Variants in RAB44 observed in about 807,000 individuals in gnomAD.
RAB44 encodes RAB44, member RAS oncogene family.
RAB44 carries 67 observed loss-of-function variants against 93.3 expected under a neutral mutation model. That is an observed-to-expected ratio of 0.72 (90% CI 0.59 to 0.88). RAB44 has a LOEUF of 0.88. Ranked by LOEUF, RAB44 falls within the 40% of genes least tolerant of loss-of-function variation. The pLI is 0.00. For missense variants in RAB44, 1,064 were observed against 1,261.7 expected (o/e 0.84, Z 2.37); for synonymous variants, 427 against 520.3 (o/e 0.82, Z 2.44).
intron 11 of RAB44, among the ~76,000 whole-genome samples, chr6:36,728,296 G>A (rs892886658): frequency 6.6e-6 from 1 of 152,216 alleles, no homozygotes. Flanking sequence ...TTCTCTCATA[G>A]GGGAGTTGTG....
At chr6:36,701,608 T>C (rs1359629328) in intron 1 of RAB44, among the ~76,000 whole-genome samples, 2 of 152,212 alleles carry the variant, frequency 1.3e-5, no homozygotes, top group African/African-American at 4.8e-5. Context: ...GGAAGCCCTC[T>C]CTGACACCCT....
intron 1 of RAB44, among the ~76,000 whole-genome samples, chr6:36,701,535 A>C (rs146883693): frequency 6.6e-5 from 10 of 152,294 alleles, no homozygotes; most frequent in Admixed American, 2.6e-4. Flanking sequence ...CTATGAGGGC[A>C]TCAGGGTTAA....
chr6:36,712,458 G>A lies in RAB44; in HGVS notation c.208-1370G>A, dbSNP rs144504935. ...CGGCTCACTGCAACCTCCTTCTCCC[G>A]GTTTCAAGTGATTCCCCTGCTTCAG... On this transcript the variant is annotated intron_variant, in intron 2 of 13. Coordinates refer to ENST00000612677, the MANE Select transcript of RAB44 (RefSeq NM_001257357.2). 2.1e-3 allele frequency among the ~76,000 whole-genome samples: 321 copies of A among 152,224 alleles called. 3 individuals carry two copies. The highest frequency in any genetic ancestry group is 7.4e-3 in the African/African-American group (309 of 41,524).
intron 2 of RAB44, among the ~76,000 whole-genome samples, chr6:36,709,776 C>T (rs1046822558): frequency 5.3e-5 from 8 of 151,874 alleles, no homozygotes; most frequent in Non-Finnish European, 7.4e-5. Context: ...AAGCTGGTCT[C>T]GAACTCCTGA....
rs1763270354 is a variant in RAB44, at chr6:36,727,646, C to T, written c.2751C>T (p.Ser917=). The part of the protein sequence containing the change: ...DGVVLMYDIT[S]QESFAHVRYW... The stretch of plus-strand genomic sequence containing the variant: ...TGGTGCTCATGTACGACATCACCTC[C>T]CAGGAGAGCTTTGCCCACGTGCGCT... The change falls in exon 11 of 14, where the codon TCC becomes TCT. Residue 917 remains serine (S), a synonymous_variant. Transcript: ENST00000612677. 2.6e-6 allele frequency: 4 copies of T among 1,550,460 alleles called. No homozygotes were observed. Among genetic ancestry groups the T allele is most frequent in the Non-Finnish European group, 3.5e-6 (4 of 1,146,978 alleles).
At position 36,731,590 on chromosome 6, in the gene RAB44, C is replaced by T. The variant is rs963090270; in HGVS notation, c.2976-413C>T. On this transcript the variant is annotated intron_variant, in intron 13 of 13. Coordinates refer to ENST00000612677, the MANE Select transcript of RAB44 (RefSeq NM_001257357.2). The surrounding 1 kb of genome is among the most constrained non-coding windows in gnomAD (Gnocchi z 4.0). ...GCCATGGCCCTCTGCTTGGGATGCACCTCCCCCACCCTTTCTGCTGGCATA... is the reference window on the plus strand; with the variant it reads ...GCCATGGCCCTCTGCTTGGGATGCATCTCCCCCACCCTTTCTGCTGGCATA... Among the ~76,000 whole-genome samples, 1 of 152,006 alleles carries T rather than the reference C, an allele frequency of 6.6e-6. No homozygotes were observed. The highest frequency in any genetic ancestry group is 1.5e-5 in the Non-Finnish European group (1 of 68,008).
In RAB44 at chr6:36,732,839, C is replaced by T. The variant is rs1763391461; in HGVS notation, c.*746C>T. ...AGGGGTCACATTTGGGGGTCCCGCCCCCTGCTCCAATGCCATGGTGTCCCC... is the reference window on the plus strand; with the variant it reads ...AGGGGTCACATTTGGGGGTCCCGCCTCCTGCTCCAATGCCATGGTGTCCCC... On this transcript the variant is annotated 3_prime_UTR_variant, in exon 14 of 14. Transcript: ENST00000612677. 1.3e-5 allele frequency: 2 copies of T among 152,254 alleles called. No individual in the cohort carries two copies. The highest frequency in any genetic ancestry group is 4.1e-4 in the South Asian group (2 of 4,832). The allele number at this position is 152,254 out of a possible 1,614,324, so 9.4% of individuals were successfully genotyped here.
chr6:36,702,657 G>A lies in RAB44; in HGVS notation c.-12-1567G>A, dbSNP rs114577229. 4.9e-3 allele frequency among the ~76,000 whole-genome samples: 748 copies of A among 152,298 alleles called. 4 individuals carry two copies. The highest frequency in any genetic ancestry group is 0.017 in the African/African-American group (718 of 41,550). On this transcript the variant is annotated intron_variant, in intron 1 of 13. Transcript: ENST00000612677. ...ATCCTACATGCCTCCTGCAGAACCTGCACAAGCCCCACCACTTGCAGGAAG... is the reference window on the plus strand; with the variant it reads ...ATCCTACATGCCTCCTGCAGAACCTACACAAGCCCCACCACTTGCAGGAAG...
rs1464905068 is a variant in RAB44, at chr6:36,732,316, A to G, written c.*223A>G. 2 of 344,972 alleles carry G rather than the reference A, an allele frequency of 5.8e-6. No individual in the cohort carries two copies. Among genetic ancestry groups the G allele is most frequent in the Non-Finnish European group, 1.0e-5 (2 of 191,802 alleles). 21.4% of individuals were successfully genotyped at this position (344,972 alleles called of 1,614,324 possible). The stretch of plus-strand genomic sequence containing the variant: ...TGAACAAGGCTTGAGGGGCAGGGGT[A>G]TGGCAAAACTCTCCAAACAAAGAAA... On this transcript the variant is annotated 3_prime_UTR_variant, in exon 14 of 14. Transcript: ENST00000612677.
intron 2 of RAB44, among the ~76,000 whole-genome samples, chr6:36,707,804 A>G (rs774785191): frequency 3.3e-5 from 5 of 152,264 alleles, no homozygotes; most frequent in African/African-American, 9.6e-5. Flanking sequence ...AAACATGTCC[A>G]GTAATGACAC....
intron 9 of RAB44, among the ~76,000 whole-genome samples, chr6:36,723,610 C>T (rs1048995608): frequency 5.3e-5 from 8 of 151,766 alleles, no homozygotes; most frequent in African/African-American, 1.7e-4. Context: ...CTGAGGCGGG[C>T]GGATCACAAG....
intron 2 of RAB44, among the ~76,000 whole-genome samples, chr6:36,706,685 A>C (rs985048404): frequency 3.3e-5 from 5 of 152,240 alleles, no homozygotes; most frequent in Non-Finnish European, 7.3e-5. Flanking sequence ...GAACCTGTGC[A>C]AATAATTATA....
intron 2 of RAB44, among the ~76,000 whole-genome samples, chr6:36,713,483 A>T (rs566767707): frequency 1.3e-5 from 2 of 152,284 alleles, no homozygotes; most frequent in East Asian, 3.9e-4. Context: ...GGCTTGAGCC[A>T]CCGCGCCTGG....
intron 1 of RAB44, among the ~76,000 whole-genome samples, chr6:36,698,764 C>T (rs1318641229): frequency 1.3e-5 from 2 of 152,048 alleles, no homozygotes; most frequent in East Asian, 3.9e-4. Context: ...GGCATTTGCA[C>T]ATGCAGAATG....
intron 8 of RAB44, 91 bp downstream of exon 8, chr6:36,720,641 A>G: frequency 4.3e-6 from 4 of 940,740 alleles, no homozygotes; most frequent in Non-Finnish European, 4.2e-6. Context: ...TCTAGCTAGC[A>G]CACAGTGCAC....
intron 12 of RAB44, 22 bp downstream of exon 12, chr6:36,728,823 C>T (rs1004440636): frequency 4.5e-5 from 69 of 1,527,322 alleles, no homozygotes; most frequent in African/African-American, 1.2e-4. Context: ...GGCATCAGCC[C>T]GTCTCTGTGC....
In RAB44 at chr6:36,720,432, G is replaced by T. The variant is rs534250346; in HGVS notation, c.898G>T (p.Glu300Ter). The part of the protein sequence containing the change: ...EAASENQQLQ[E>*]AKRDLAGRLE... ...TGCCTCAGAGAACCAGCAGCTGCAG[G>T]AGGCCAAGCGTGACCTGGCTGGGCG... Residue 300 changes from glutamate (E) to a stop codon, truncating the protein, a stop_gained, in exon 8 of 14, where the codon GAG becomes TAG. Transcript: ENST00000612677. LOFTEE classifies it high-confidence loss of function. 261 of 1,232,702 alleles carry T rather than the reference G, an allele frequency of 2.1e-4. 1 individual carries two copies. In the African/African-American group the frequency reaches 3.5e-3, roughly 17 times the overall value. The allele number at this position is 1,232,702 out of a possible 1,614,324, so 76.4% of individuals were successfully genotyped here.
rs1763120213 is a variant in RAB44 at position 36,722,532 on chromosome 6, A to G, written c.2398A>G (p.Arg800Gly). 2.0e-6 allele frequency: 3 copies of G among 1,535,872 alleles called. No individual in the cohort carries two copies. Among genetic ancestry groups the G allele is most frequent in the Non-Finnish European group, 2.6e-6 (3 of 1,138,854 alleles). Residue 800 changes from arginine to glycine, a missense_variant, in exon 9 of 14, where the codon AGG becomes GGG. By Grantham distance (125) the Arg-to-Gly change is moderately radical. Coordinates refer to ENST00000612677, the MANE Select transcript of RAB44 (RefSeq NM_001257357.2). ...CTCCAGGGAACCAAGGGCAGAGAGC[A>G]GGCTTGAAGATCCAGGAATGGACTC... ...PHSREPRAES[R>G]LEDPGMDSRE... is the part of the protein sequence containing the mutation.
At chr6:36,726,001 G>A (rs1763230204) in intron 10 of RAB44, 58 bp downstream of exon 10, 6 of 1,336,920 alleles carry the variant, frequency 4.5e-6, no homozygotes, top group Admixed American at 4.0e-5. Flanking sequence ...GGGGTGCAGA[G>A]GGACAGGGAG....
Sources: allele counts gnomAD v4.1 joint callset (sites outside exome capture counted in the v4.1 genomes callset), GRCh38; gene constraint gnomAD v4.1.1; non-coding constraint Gnocchi (gnomAD v3.1); transcripts MANE v1.5; gene names NCBI Gene and HGNC (gene_info 2026-07-23, HGNC 2026-07-21).